ABCC4: variants seen among roughly 807,000 people sequenced by gnomAD.
ABCC4 encodes the protein ATP binding cassette subfamily C member 4 (PEL blood group).
ABCC4 carries 102 observed loss-of-function variants against 168.5 expected under a neutral mutation model. The observed-to-expected ratio is 0.61, with a 90% confidence interval of 0.52 to 0.71. The LOEUF (loss-of-function observed/expected upper bound fraction) is 0.71, where lower values mean the gene tolerates loss of function less well. ABCC4 is among the 30% of genes least tolerant of loss of function. ABCC4 has a pLI of 0.00. For synonymous variants in ABCC4, 617 were observed against 590.7 expected (o/e 1.04, Z -0.65); for missense variants, 1,402 against 1,605.8 (o/e 0.87, Z 2.17).
Position 95,210,733 on chromosome 13 carries a change from T to G in ABCC4, c.580A>C (p.Ile194Leu), listed in dbSNP as rs1048845084. The change falls in exon 5 of 31, where the codon ATA becomes CTA. Residue 194 changes from isoleucine (I) to leucine (L), a missense_variant. Ile to Leu is a conservative substitution (Grantham distance 5). Transcript: ENST00000645237. Reference protein sequence around the residue: ...MAMGKTTTGQIVNLLSNDVNK... With the variant: ...MAMGKTTTGQLVNLLSNDVNK... Reference sequence around the variant, plus strand: ...ACATCATTGGACAGCAGATTGACTATCTGGCCTGTGGTTGTCTTCCCCATG... The same window carrying G: ...ACATCATTGGACAGCAGATTGACTAGCTGGCCTGTGGTTGTCTTCCCCATG... 6.2e-7 allele frequency: 1 copy of G among 1,614,220 alleles called. No individual in the cohort carries two copies. The highest frequency in any genetic ancestry group is 8.5e-7 in the Non-Finnish European group (1 of 1,180,030).
chr13:95,105,667 G>A (rs1389379603), intron 20 of ABCC4, among the ~76,000 whole-genome samples: 1 of 152,092 alleles, frequency 6.6e-6, no homozygotes, highest in Non-Finnish European at 1.5e-5. Flanking sequence ...GCAGAAGTAT[G>A]GTGACTAAGC....
At chr13:95,096,918 T>G (rs2034618640) in intron 20 of ABCC4, among the ~76,000 whole-genome samples, 1 of 152,198 alleles carries the variant, frequency 6.6e-6, no homozygotes. Flanking sequence ...TTCTATAATA[T>G]GTATGCACAT....
chr13:95,214,997 T>C (rs1019500660), intron 4 of ABCC4, among the ~76,000 whole-genome samples: 3 of 152,104 alleles, frequency 2.0e-5, no homozygotes, highest in African/African-American at 7.2e-5. Flanking sequence ...CTGAGAGACT[T>C]TATCAGCAAT....
intron 1 of ABCC4, among the ~76,000 whole-genome samples, chr13:95,262,134 G>A (rs1278993095): frequency 6.6e-6 from 1 of 152,170 alleles, no homozygotes; most frequent in African/African-American, 2.4e-5. Context: ...TTCACAAGCA[G>A]CAGCCTGGGA....
At chr13:95,058,567 C>CAAAAAAAAAA (rs1165324016) in intron 26 of ABCC4, among the ~76,000 whole-genome samples, 6 of 62,788 alleles carry the variant, frequency 9.6e-5, no homozygotes, top group Non-Finnish European at 1.2e-4. Context: ...GACTCCATCT[C>CAAAAAAAAAA]AAAAAAAAAA....
At chr13:95,181,759 GA>G (rs1282089346) in intron 11 of ABCC4, among the ~76,000 whole-genome samples, 1 of 152,172 alleles carries the variant, frequency 6.6e-6, no homozygotes, top group Non-Finnish European at 1.5e-5. Flanking sequence ...GTTAATAAAG[GA>G]AGGCTGGAGT....
At chr13:95,030,487 G>C (rs2031829182) in intron 30 of ABCC4, among the ~76,000 whole-genome samples, 1 of 152,120 alleles carries the variant, frequency 6.6e-6, no homozygotes, top group African/African-American at 2.4e-5. Context: ...TTCCTATGTT[G>C]AAGTCCTAAC....
intron 1 of ABCC4, chr13:95,266,285 GAGA>G (rs1406360884): frequency 2.0e-5 from 3 of 152,420 alleles, no homozygotes; most frequent in Non-Finnish European, 4.4e-5. Context: ...CAGAAGAGAA[GAGA>G]AGGAGATGTA....
At position 95,060,208 on chromosome 13, in the gene ABCC4, T is replaced by C. The variant is rs577328013; in HGVS notation, c.3366+2496A>G. 2.0e-5 allele frequency among the ~76,000 whole-genome samples: 3 copies of C among 152,340 alleles called. No homozygotes were observed. In the East Asian group the frequency reaches 5.8e-4, roughly 29 times the overall value. On this transcript the variant is annotated intron_variant, in intron 26 of 30. Transcript: ENST00000645237. ...CAATGCTTGGAGATCAGGATCTACA[T>C]GGATACAAAGCTTAGCAGTGTTTTG...
chr13:95,086,621 TC>T (rs2034265396), intron 20 of ABCC4, among the ~76,000 whole-genome samples: 2 of 152,320 alleles, frequency 1.3e-5, no homozygotes, highest in East Asian at 3.9e-4. Flanking sequence ...ACTTTAAACT[TC>T]ATTTTGTGGG....
chr13:95,191,138 G>A (rs907745034), intron 9 of ABCC4, among the ~76,000 whole-genome samples: 13 of 152,290 alleles, frequency 8.5e-5, no homozygotes, highest in African/African-American at 1.2e-4. Context: ...CATCTCAAGC[G>A]GGCATGTGCA....
intron 1 of ABCC4, among the ~76,000 whole-genome samples, chr13:95,282,376 C>G (rs1407285547): frequency 6.6e-6 from 1 of 152,128 alleles, no homozygotes; most frequent in African/African-American, 2.4e-5. Flanking sequence ...CCTTGCAGCA[C>G]AGCAACCTTC....
intron 20 of ABCC4, among the ~76,000 whole-genome samples, chr13:95,100,212 G>C (rs573988414): frequency 6.6e-6 from 1 of 152,180 alleles, no homozygotes; most frequent in Admixed American, 6.5e-5. Flanking sequence ...TGCCAGAATG[G>C]AAAGTTCTAT....
At chr13:95,166,407 A>G in intron 14 of ABCC4, 40 bp from the exon 15 acceptor site, 1 of 1,524,036 alleles carries the variant, frequency 6.6e-7, no homozygotes, top group Non-Finnish European at 9.0e-7. Context: ...ATACATGTGC[A>G]GGTGATAATG....
intron 3 of ABCC4, among the ~76,000 whole-genome samples, chr13:95,240,191 G>A (rs1339497174): frequency 1.3e-5 from 2 of 152,220 alleles, no homozygotes; most frequent in Non-Finnish European, 2.9e-5. Flanking sequence ...TATGCAATGA[G>A]CCCAATCTAG....
At chr13:95,172,643 T>C (rs2037519270) in intron 13 of ABCC4, among the ~76,000 whole-genome samples, 1 of 150,906 alleles carries the variant, frequency 6.6e-6, no homozygotes, top group Admixed American at 6.6e-5. Flanking sequence ...GTGAGAAAGA[T>C]ATAGTCAGTT....
chr13:95,220,551 G>A (rs1031836732), intron 4 of ABCC4, among the ~76,000 whole-genome samples: 2 of 151,894 alleles, frequency 1.3e-5, no homozygotes, highest in East Asian at 3.9e-4. Context: ...AAAAATGACA[G>A]ATGTCAGAAA....
chr13:95,064,245 GGT>G (rs530317662), intron 25 of ABCC4, among the ~76,000 whole-genome samples: 544 of 42,486 alleles, frequency 0.013, 3 homozygotes, highest in Admixed American at 0.017. Context: ...GGTACATCCG[GGT>G]GTGTGTGTGT....
At chr13:95,027,560 T>C (rs2031608641) in intron 30 of ABCC4, among the ~76,000 whole-genome samples, 1 of 152,140 alleles carries the variant, frequency 6.6e-6, no homozygotes, top group Non-Finnish European at 1.5e-5. Context: ...GAAAGTATCA[T>C]TTAAAGAAAA....
Sources: allele counts gnomAD v4.1 joint callset (sites outside exome capture counted in the v4.1 genomes callset), GRCh38; gene constraint gnomAD v4.1.1; transcripts MANE v1.5; gene names NCBI Gene and HGNC (gene_info 2026-07-23, HGNC 2026-07-21).